Variants in RABEP2 observed in about 807,000 individuals in gnomAD.
RABEP2 encodes the protein rab GTPase-binding effector protein 2.
Under a neutral mutation model 74.1 loss-of-function variants are expected in RABEP2, and 57 were observed. The ratio of observed to expected loss-of-function variants is 0.77; its 90% CI spans 0.62 to 0.96. The LOEUF (loss-of-function observed/expected upper bound fraction) is 0.96. Ranked by LOEUF, RABEP2 falls within the 40% of genes least tolerant of loss-of-function variation. RABEP2 has a pLI of 0.00. For missense variants in RABEP2, 692 were observed against 756.3 expected, an observed-to-expected ratio of 0.91 and a Z score of 1.00; for synonymous variants, 351 against 344.0, an observed-to-expected ratio of 1.02 and a Z score of -0.23.
chr16:28,906,881 C>T (rs1036780259), intron 8 of RABEP2, among the ~76,000 whole-genome samples: 5 of 152,044 alleles, frequency 3.3e-5, no homozygotes, highest in African/African-American at 1.2e-4. Context: ...ATTGCTTGAC[C>T]CAAGGAGGTG....
intron 8 of RABEP2, 117 bp from the exon 9 acceptor site, chr16:28,906,313 A>G: frequency 7.4e-7 from 1 of 1,348,990 alleles, no homozygotes; most frequent in South Asian, 1.5e-5. Context: ...ATGGAAGCAA[A>G]GGGCTAAAGT....
At chr16:28,912,950 GTTTT>G (rs1024435420) in intron 5 of RABEP2, among the ~76,000 whole-genome samples, 1 of 150,580 alleles carries the variant, frequency 6.6e-6, no homozygotes, top group African/African-American at 2.4e-5. Context: ...TTGTGCCCCG[GTTTT>G]TTTTTCTCTT....
rs1364842546 is a variant in RABEP2 at position 28,909,852 on chromosome 16, G to A, written c.1089+1036C>T. Among the ~76,000 whole-genome samples the A allele has an allele frequency of 1.8e-4, 27 of 151,630 alleles. 1 individual carries two copies. The highest frequency in any genetic ancestry group is 5.1e-4 in the African/African-American group (21 of 41,378). On this transcript the variant is annotated intron_variant, in intron 7 of 12. Coordinates refer to ENST00000358201, the MANE Select transcript of RABEP2 (RefSeq NM_024816.3). ...ATCCTGGCTAACACGGTGAAACCCC[G>A]TCTCTACTAAAAATACAAAAAAAAA...
At chr16:28,913,503 C>T (rs1451943691) in intron 5 of RABEP2, among the ~76,000 whole-genome samples, 1 of 152,008 alleles carries the variant, frequency 6.6e-6, no homozygotes, top group African/African-American at 2.4e-5. Context: ...TATTTTGAGA[C>T]AGAGTTTCAC....
chr16:28,915,996 C>T (rs1386424757), intron 3 of RABEP2, among the ~76,000 whole-genome samples: 4 of 152,100 alleles, frequency 2.6e-5, no homozygotes, highest in Admixed American at 6.6e-5. Flanking sequence ...CGTGCCACCA[C>T]GCCCAGCTAA....
chr16:28,921,538 T>G (rs1359321941), intron 2 of RABEP2, among the ~76,000 whole-genome samples: 1 of 150,966 alleles, frequency 6.6e-6, no homozygotes, highest in Non-Finnish European at 1.5e-5. Flanking sequence ...GGAGAGACAC[T>G]GGAAAGGAGG....
At position 28,924,539 on chromosome 16, in the gene RABEP2, C is replaced by G; in HGVS notation, c.138G>C (p.Glu46Asp). Residue 46 changes from glutamate (E) to aspartate (D), a missense_variant, in exon 2 of 13, where the codon GAG becomes GAC. By Grantham distance (45) the Glu-to-Asp change is conservative. Coordinates refer to ENST00000358201, the MANE Select transcript of RABEP2 (RefSeq NM_024816.3). ...ESGELSRLRA[E>D]LAGALAEMET... is the part of the protein sequence containing the mutation. Reference sequence around the variant, plus strand: ...CCATTTCTGCCAGGGCGCCTGCCAGCTCAGCCCGAAGCCGGCTGAGCTCAC... The same window carrying G: ...CCATTTCTGCCAGGGCGCCTGCCAGGTCAGCCCGAAGCCGGCTGAGCTCAC... 11 of 1,613,988 alleles carry G rather than the reference C, an allele frequency of 6.8e-6. No homozygotes were observed. The highest frequency in any genetic ancestry group is 9.3e-6 in the Non-Finnish European group (11 of 1,180,020).
intron 3 of RABEP2, among the ~76,000 whole-genome samples, chr16:28,915,030 C>G (rs1964370569): frequency 1.3e-5 from 2 of 149,530 alleles, no homozygotes; most frequent in African/African-American, 4.9e-5. Flanking sequence ...TCTTCCTTCT[C>G]CAACATCCAT....
chr16:28,905,428 C>T lies in RABEP2; in HGVS notation c.1577G>A (p.Arg526Lys), dbSNP rs1200213365. ...GGCCTGGGACAGTCGCACGAAATCC[C>T]TCTGCACCTGCTCACTGGTCTCCAG... is the stretch of plus-strand genomic sequence containing the variant. The part of the protein sequence containing the change: ...AELETSEQVQ[R>K]DFVRLSQALQ... Residue 526 changes from arginine to lysine, a missense_variant, in exon 12 of 13, where the codon AGG becomes AAG. Physicochemically the swap from Arg to Lys is conservative, Grantham distance 26. Transcript: ENST00000358201. The T allele has an allele frequency of 6.2e-7, 1 of 1,607,572 alleles. No individual in the cohort carries two copies. Among genetic ancestry groups the T allele is most frequent in the Non-Finnish European group, 8.5e-7 (1 of 1,177,980 alleles).
Position 28,905,410 on chromosome 16 carries a change from G to T in RABEP2, c.1595C>A (p.Ser532Tyr), listed in dbSNP as rs1411908088. The T allele has an allele frequency of 1.9e-6, 3 of 1,606,118 alleles. No homozygotes were observed. The highest frequency in any genetic ancestry group is 1.7e-4 in the Middle Eastern group (1 of 5,986). Residue 532 changes from serine (S) to tyrosine (Y), a missense_variant, in exon 12 of 13, where the codon TCC (serine) becomes TAC (tyrosine). Physicochemically the swap from Ser to Tyr is moderately radical, Grantham distance 144 (BLOSUM62 -2). Transcript: ENST00000358201. ...EQVQRDFVRL[S>Y]QALQVRLERI... ...GACAGGCCATACCTGCAGGGCCTGG[G>T]ACAGTCGCACGAAATCCCTCTGCAC...
At position 28,924,502 on chromosome 16, in the gene RABEP2, C is replaced by A. The variant is rs779009742; in HGVS notation, c.175G>T (p.Ala59Ser). Reference sequence around the variant, plus strand: ...GTGCTCTCGCTCACCTCTGCCACAGCCTTCATGGTTTCCATTTCTGCCAGG... The same window carrying A: ...GTGCTCTCGCTCACCTCTGCCACAGACTTCATGGTTTCCATTTCTGCCAGG... ...GALAEMETMK[A>S]VAEVSESTKA... The change falls in exon 2 of 13, where the codon GCT (alanine) becomes TCT (serine). Residue 59 changes from alanine to serine, a missense_variant. Ala to Ser is a moderately conservative substitution (Grantham distance 99). Transcript: ENST00000358201. The A allele has an allele frequency of 1.2e-6, 2 of 1,614,116 alleles. No individual in the cohort carries two copies. Among genetic ancestry groups the A allele is most frequent in the South Asian group, 2.2e-5 (2 of 91,090 alleles).
chr16:28,919,721 G>A, intron 3 of RABEP2, 65 bp downstream of exon 3: 3 of 1,524,096 alleles, frequency 2.0e-6, no homozygotes, highest in African/African-American at 1.4e-5. Flanking sequence ...CAGGGAATGG[G>A]ACATCCACAG....
Position 28,925,184 on chromosome 16 carries a change from A to G in RABEP2, c.-21T>C, listed in dbSNP as rs1390650865. On this transcript the variant is annotated 5_prime_UTR_variant, in exon 1 of 13. Transcript: ENST00000358201. ...GCCATTGCCTCAGCGCAAACGGCGGATTCCCGCACTCCCTGGTGACGGAGC... is the reference window on the plus strand; with the variant it reads ...GCCATTGCCTCAGCGCAAACGGCGGGTTCCCGCACTCCCTGGTGACGGAGC... The G allele has an allele frequency of 4.6e-6, 7 of 1,525,424 alleles. No individual in the cohort carries two copies. The highest frequency in any genetic ancestry group is 4.4e-6 in the Non-Finnish European group (5 of 1,142,554). The allele number at this position is 1,525,424 out of a possible 1,614,324, so 94.5% of individuals were successfully genotyped here.
intron 3 of RABEP2, among the ~76,000 whole-genome samples, chr16:28,915,834 C>T (rs1382538871): frequency 6.6e-6 from 1 of 151,546 alleles, no homozygotes; most frequent in East Asian, 1.9e-4. Context: ...CCGTGCCTGG[C>T]CCAGGACAAC....
At chr16:28,920,031 C>G in intron 2 of RABEP2, 88 bp from the exon 3 acceptor site, 1 of 1,376,148 alleles carries the variant, frequency 7.3e-7, no homozygotes, top group Non-Finnish European at 9.6e-7. Flanking sequence ...GATGCACTGA[C>G]TCTTTCTGTG....
chr16:28,911,028 AG>A (rs2152219677), intron 6 of RABEP2, 42 bp from the exon 7 acceptor site: 1 of 1,610,080 alleles, frequency 6.2e-7, no homozygotes, highest in Non-Finnish European at 8.5e-7. Flanking sequence ...AGGGCATGTC[AG>A]GGGGCGGCAG....
chr16:28,907,684 C>T (rs1179252142), intron 8 of RABEP2, among the ~76,000 whole-genome samples: 1 of 152,154 alleles, frequency 6.6e-6, no homozygotes, highest in Non-Finnish European at 1.5e-5. Flanking sequence ...CTCGCCAAGG[C>T]TAGAGTGCAG....
At chr16:28,908,896 G>A in intron 7 of RABEP2, 132 bp from the exon 8 acceptor site, 1 of 952,580 alleles carries the variant, frequency 1.0e-6, no homozygotes. Context: ...TCCTAAGCAA[G>A]GAAGGAGCAC....
intron 1 of RABEP2, 119 bp downstream of exon 1, chr16:28,924,984 G>A (rs1457305907): frequency 7.8e-6 from 9 of 1,159,364 alleles, no homozygotes; most frequent in Non-Finnish European, 1.1e-5. Context: ...CCCCTTTCCC[G>A]ACGGCGTGGC....
Sources: gnomAD v4.1 joint callset for allele counts (sites outside exome capture counted in the v4.1 genomes callset) on GRCh38, gnomAD v4.1.1 for gene constraint, MANE v1.5 for transcripts, NCBI Gene and HGNC (gene_info 2026-07-23, HGNC 2026-07-21) for gene names.